The following MS4A4A variants were observed in gnomAD, a reference collection of about 807,000 sequenced individuals.
MS4A4A encodes the protein membrane spanning 4-domains A4A, also known as membrane-spanning 4-domains subfamily A member 4A.
A neutral mutation model predicts 28.0 loss-of-function variants in MS4A4A; 26 were observed. The observed-to-expected ratio is 0.93, with a 90% CI of 0.68 to 1.29. The LOEUF (loss-of-function observed/expected upper bound fraction) is 1.29. Among genes scored for constraint, MS4A4A ranks in the 50% most tolerant of loss-of-function variants. MS4A4A has a pLI of 0.00. For synonymous variants in MS4A4A, 86 were observed against 100.8 expected, an observed-to-expected ratio of 0.85 and a Z score of 0.88; for missense variants, 290 against 293.1, an observed-to-expected ratio of 0.99 and a Z score of 0.08.
At chr11:60,289,281 C>T (rs1035969259) in intron 1 of MS4A4A, among the ~76,000 whole-genome samples, 6 of 152,058 alleles carry the variant, frequency 3.9e-5, no homozygotes, top group Admixed American at 3.3e-4. Flanking sequence ...GAGCTCAGAG[C>T]CTGTGAAGAC....
chr11:60,294,871 A>G (rs2084888935), intron 2 of MS4A4A, among the ~76,000 whole-genome samples: 1 of 144,900 alleles, frequency 6.9e-6, no homozygotes, highest in East Asian at 2.2e-4. Flanking sequence ...AAAATTGGGT[A>G]GTGTTAGTCC....
chr11:60,307,703 G>T (rs997154134), intron 6 of MS4A4A, among the ~76,000 whole-genome samples: 1 of 152,152 alleles, frequency 6.6e-6, no homozygotes, highest in Non-Finnish European at 1.5e-5. Flanking sequence ...TGATGTGTGG[G>T]CCAGTGTGGT....
intron 1 of MS4A4A, among the ~76,000 whole-genome samples, chr11:60,281,907 C>T (rs1428083582): frequency 6.6e-6 from 1 of 152,064 alleles, no homozygotes; most frequent in African/African-American, 2.4e-5. Context: ...CCCTCATATG[C>T]ATCCAATATT....
chr11:60,283,753 G>C (rs1348750239), intron 1 of MS4A4A, among the ~76,000 whole-genome samples: 1 of 152,152 alleles, frequency 6.6e-6, no homozygotes, highest in African/African-American at 2.4e-5. Context: ...TGGATTAAAT[G>C]TAAGACCAAA....
At chr11:60,289,619 G>C (rs987313398) in intron 1 of MS4A4A, among the ~76,000 whole-genome samples, 1 of 150,088 alleles carries the variant, frequency 6.7e-6, no homozygotes, top group Non-Finnish European at 1.5e-5. Flanking sequence ...GTGTGTGTGT[G>C]TGTGTTGATG....
chr11:60,288,204 C>T (rs552221476), intron 1 of MS4A4A, among the ~76,000 whole-genome samples: 2 of 152,344 alleles, frequency 1.3e-5, no homozygotes, highest in East Asian at 3.9e-4. Context: ...TTGTGACATC[C>T]TTTGAAACTA....
At chr11:60,291,687 A>T (rs2084857175) in intron 1 of MS4A4A, among the ~76,000 whole-genome samples, 1 of 151,308 alleles carries the variant, frequency 6.6e-6, no homozygotes, top group Non-Finnish European at 1.5e-5. Context: ...AGTAACAGCT[A>T]CTCGGGAGAC....
At chr11:60,294,882 T>TACA (rs1285496034) in intron 2 of MS4A4A, among the ~76,000 whole-genome samples, 11 of 135,994 alleles carry the variant, frequency 8.1e-5, no homozygotes, top group South Asian at 7.9e-4. Flanking sequence ...GTGTTAGTCC[T>TACA]ACAACTACTA....
intron 4 of MS4A4A, among the ~76,000 whole-genome samples, chr11:60,301,937 G>T (rs1273150473): frequency 1.3e-5 from 2 of 151,996 alleles, no homozygotes; most frequent in Non-Finnish European, 2.9e-5. Flanking sequence ...GTGCCACCAC[G>T]CCCAGCTAAT....
At chr11:60,297,168 T>A (rs771437913) in intron 2 of MS4A4A, 29 bp from the exon 3 acceptor site, 1 of 1,610,746 alleles carries the variant, frequency 6.2e-7, no homozygotes, top group African/African-American at 1.3e-5. Context: ...TGGTGGACAA[T>A]CAGTTTTTGC....
At chr11:60,299,388 A>T (rs2084931248) in intron 3 of MS4A4A, among the ~76,000 whole-genome samples, 1 of 152,066 alleles carries the variant, frequency 6.6e-6, no homozygotes. Flanking sequence ...TTTTATCATT[A>T]AACATAATAA....
intron 1 of MS4A4A, 125 bp from the exon 2 acceptor site, chr11:60,292,100 A>C: frequency 8.3e-7 from 1 of 1,203,158 alleles, no homozygotes; most frequent in Non-Finnish European, 1.1e-6. Context: ...CAGCTCTAAC[A>C]GCTATTATGA....
chr11:60,301,154 TA>T, intron 4 of MS4A4A, 97 bp downstream of exon 4: 1 of 1,039,878 alleles, frequency 9.6e-7, no homozygotes, highest in Non-Finnish European at 1.4e-6. Context: ...TCTTTGTTTG[TA>T]AAAAATCAGG....
chr11:60,300,652 G>C (rs1286330312), intron 3 of MS4A4A, among the ~76,000 whole-genome samples: 2 of 142,416 alleles, frequency 1.4e-5, no homozygotes, highest in Non-Finnish European at 3.1e-5. Flanking sequence ...AATTCTAAAT[G>C]AGAATAATTT....
intron 1 of MS4A4A, among the ~76,000 whole-genome samples, chr11:60,284,775 C>A (rs532890179): frequency 6.6e-6 from 1 of 152,294 alleles, no homozygotes; most frequent in Non-Finnish European, 1.5e-5. Context: ...CTGAGCAGAA[C>A]ACAAAATTTA....
chr11:60,290,466 A>C (rs2084845271), intron 1 of MS4A4A, among the ~76,000 whole-genome samples: 2 of 152,078 alleles, frequency 1.3e-5, no homozygotes, highest in Non-Finnish European at 2.9e-5. Flanking sequence ...GTTTGTCCAA[A>C]TTGTTTTCGG....
chr11:60,291,752 C>T (rs992081110), intron 1 of MS4A4A, among the ~76,000 whole-genome samples: 12 of 149,794 alleles, frequency 8.0e-5, no homozygotes, highest in African/African-American at 3.0e-4. Context: ...GTGCCGAGAT[C>T]GCGCCACTGC....
intron 1 of MS4A4A, among the ~76,000 whole-genome samples, chr11:60,287,297 C>T (rs1304708424): frequency 6.6e-6 from 1 of 152,148 alleles, no homozygotes; most frequent in African/African-American, 2.4e-5. Flanking sequence ...GTGTAAACCT[C>T]TAGTGAGGAT....
intron 4 of MS4A4A, 145 bp downstream of exon 4, chr11:60,301,202 C>G: frequency 1.5e-6 from 1 of 666,916 alleles, no homozygotes; most frequent in Non-Finnish European, 2.4e-6. Context: ...ATCTGTCTTT[C>G]AAAAACTGCA....
Sources: gnomAD v4.1 joint callset for allele counts (sites outside exome capture counted in the v4.1 genomes callset) on GRCh38, gnomAD v4.1.1 for gene constraint, MANE v1.5 for transcripts, NCBI Gene and HGNC (gene_info 2026-07-23, HGNC 2026-07-21) for gene names.